MTMR9: variants seen among roughly 807,000 people sequenced by gnomAD.
MTMR9 encodes the protein myotubularin related protein 9.
Under a neutral mutation model 69.5 loss-of-function variants are expected in MTMR9, and 39 were observed. The ratio of observed to expected loss-of-function variants is 0.56; its 90% confidence interval spans 0.43 to 0.73. MTMR9 has a LOEUF of 0.73. MTMR9 is among the 30% of genes least tolerant of loss of function. MTMR9 has a pLI of 0.00. For missense variants in MTMR9, 900 were observed against 671.2 expected, an observed-to-expected ratio of 1.34 and a Z score of -3.77; for synonymous variants, 354 against 240.8, an observed-to-expected ratio of 1.47 and a Z score of -4.35.
intron 3 of MTMR9, among the ~76,000 whole-genome samples, chr8:11,303,693 C>T (rs566302485): frequency 1.3e-5 from 2 of 152,156 alleles, no homozygotes; most frequent in East Asian, 3.9e-4. Context: ...GCCACTGTGC[C>T]TGGCTAATTT....
intron 1 of MTMR9, chr8:11,294,715 T>A (rs1799489628): frequency 6.6e-6 from 1 of 152,602 alleles, no homozygotes; most frequent in Non-Finnish European, 1.5e-5. Flanking sequence ...GGTCTTGATC[T>A]CCTGACCTCG....
intron 2 of MTMR9, among the ~76,000 whole-genome samples, chr8:11,295,772 A>G (rs1799533799): frequency 6.6e-6 from 1 of 152,224 alleles, no homozygotes; most frequent in African/African-American, 2.4e-5. Flanking sequence ...GGTTTGTTCA[A>G]GTAAAATCTT....
At position 11,314,986 on chromosome 8, in the gene MTMR9, C is replaced by G; in HGVS notation, c.1035C>G (p.Ser345=). The part of the protein sequence containing the change: ...EGTDSTLQVT[S]LAQIILEPRS... ...CTGATTCCACACTCCAGGTGACCTC[C>G]TTGGCCCAGATCATCTTAGAGCCAA... The change falls in exon 7 of 10, where the codon TCC becomes TCG. Residue 345 remains serine (S), a synonymous_variant. Transcript: ENST00000221086. The G allele has an allele frequency of 1.2e-6, 2 of 1,614,074 alleles. No individual in the cohort carries two copies. Among genetic ancestry groups the G allele is most frequent in the Non-Finnish European group, 1.7e-6 (2 of 1,179,946 alleles).
At position 11,289,964 on chromosome 8, in the gene MTMR9, A is replaced by G. The variant is rs185571376; in HGVS notation, c.182+4894A>G. ...ATGTCCCTTTATATAGTCTTGTGCC[A>G]TAATTGCTCTGAGACTGCCCCTAGG... On this transcript the variant is annotated intron_variant, in intron 1 of 9. Coordinates refer to ENST00000221086, the MANE Select transcript of MTMR9 (RefSeq NM_015458.4). Among the ~76,000 whole-genome samples the G allele has an allele frequency of 3.9e-5, 6 of 152,328 alleles. No homozygotes were observed. The East Asian group carries it at 1.2e-3, about 29-fold the overall frequency.
intron 5 of MTMR9, among the ~76,000 whole-genome samples, chr8:11,307,970 C>G (rs533767758): frequency 9.9e-5 from 15 of 152,278 alleles, no homozygotes; most frequent in African/African-American, 3.1e-4. Flanking sequence ...GTGGTGTTCA[C>G]AAATGTTTTC....
chr8:11,332,761 G>T, downstream of MTMR9, among the ~76,000 whole-genome samples: 1 of 151,956 alleles, frequency 6.6e-6, no homozygotes, highest in East Asian at 1.9e-4. Context: ...GCCACCACAC[G>T]CAGCTAATTT....
chr8:11,330,798 C>T (rs909260858), downstream of MTMR9: 3 of 463,702 alleles, frequency 6.5e-6, no homozygotes, highest in African/African-American at 4.0e-5. Context: ...GCAGGGTCCT[C>T]TGCCTAGGAA....
intron 2 of MTMR9, among the ~76,000 whole-genome samples, chr8:11,297,306 T>C (rs976887913): frequency 6.6e-6 from 1 of 152,270 alleles, no homozygotes; most frequent in Admixed American, 6.5e-5. Context: ...CCTGCCTTTG[T>C]TGAATTTTAC....
rs554684280 is a variant in MTMR9 at position 11,322,929 on chromosome 8, C to T, written c.*141C>T. ...GACCCCCCTAATGTAATGGATTTCT[C>T]AATACTGTATGAATAATGAAACTTA... is the stretch of plus-strand genomic sequence containing the variant. On this transcript the variant is annotated 3_prime_UTR_variant, in exon 10 of 10. Transcript: ENST00000221086. 9.7e-6 allele frequency: 6 copies of T among 620,384 alleles called. No homozygotes were observed. In the East Asian group the frequency reaches 1.5e-4, roughly 16 times the overall value. 38.4% of individuals were successfully genotyped at this position (620,384 alleles called of 1,614,324 possible).
downstream of MTMR9, chr8:11,331,837 C>T: frequency 1.2e-6 from 2 of 1,611,964 alleles, no homozygotes; most frequent in African/African-American, 1.3e-5. Flanking sequence ...CTGCAGACCC[C>T]CGTGTTGCCC....
intron 7 of MTMR9, 131 bp from the exon 8 acceptor site, chr8:11,316,542 A>T (rs1800422222): frequency 5.3e-6 from 3 of 568,002 alleles, no homozygotes; most frequent in South Asian, 2.9e-5. Flanking sequence ...AATCTGTACA[A>T]CAGCTACCCT....
Position 11,295,285 on chromosome 8 carries a change from A to T in MTMR9, c.274A>T (p.Ile92Leu). The T allele has an allele frequency of 6.3e-7, 1 of 1,597,156 alleles. No individual in the cohort carries two copies. Among genetic ancestry groups the T allele is most frequent in the Non-Finnish European group, 8.6e-7 (1 of 1,165,914 alleles). ...DIPGMEECLN[I>L]ASSIEALSTL... ...TCCTGGAATGGAGGAATGCTTGAAT[A>T]TAGCCAGTTCCATTGAGGTAAGTAT... The change falls in exon 2 of 10, where the codon ATA (isoleucine) becomes TTA (leucine). Residue 92 changes from isoleucine to leucine, a missense_variant. By Grantham distance (5) the Ile-to-Leu change is conservative. Coordinates refer to ENST00000221086, the MANE Select transcript of MTMR9 (RefSeq NM_015458.4).
chr8:11,321,669 C>T (rs1045643592), intron 9 of MTMR9: 1 of 313,938 alleles, frequency 3.2e-6, no homozygotes, highest in African/African-American at 2.2e-5. Flanking sequence ...TAAGACTGCT[C>T]TTCGGCCTTA....
intron 5 of MTMR9, among the ~76,000 whole-genome samples, chr8:11,308,504 A>T (rs775130361): frequency 1.5e-4 from 23 of 152,028 alleles, no homozygotes; most frequent in Admixed American, 3.9e-4. Flanking sequence ...CTTTGATGGG[A>T]GGTCTTTTTA....
Position 11,325,423 on chromosome 8 carries a change from G to C in MTMR9, c.*2635G>C, listed in dbSNP as rs1800886784. The C allele has an allele frequency of 3.9e-5, 6 of 152,170 alleles. No homozygotes were observed. Among genetic ancestry groups the C allele is most frequent in the Admixed American group, 3.9e-4 (6 of 15,270 alleles). The allele number at this position is 152,170 out of a possible 1,614,324, so 9.4% of individuals were successfully genotyped here. On this transcript the variant is annotated 3_prime_UTR_variant, in exon 10 of 10. Coordinates refer to ENST00000221086, the MANE Select transcript of MTMR9 (RefSeq NM_015458.4). ...ATGTGCTGTTAAACACTTGAATGAA[G>C]AGAATGGTGGCAGAATGAGTGAGCA... is the stretch of plus-strand genomic sequence containing the variant.
At position 11,295,241 on chromosome 8, in the gene MTMR9, G is replaced by T. The variant is rs370972294; in HGVS notation, c.230G>T (p.Arg77Leu). The T allele has an allele frequency of 1.2e-5, 20 of 1,611,408 alleles. No individual in the cohort carries two copies. The highest frequency in any genetic ancestry group is 1.6e-5 in the Non-Finnish European group (19 of 1,178,388). ...GTIIIKCKDFRIIQLDIPGME... is the reference protein window; with the variant it reads ...GTIIIKCKDFLIIQLDIPGME... ...ATCATCATAAAATGTAAAGATTTTC[G>T]AATTATTCAGTTGGATATTCCTGGA... The change falls in exon 2 of 10, where the codon CGA (arginine) becomes CTA (leucine). Residue 77 changes from arginine (R) to leucine (L), a missense_variant. By Grantham distance (102) the Arg-to-Leu change is moderately radical (BLOSUM62 -2). Coordinates refer to ENST00000221086, the MANE Select transcript of MTMR9 (RefSeq NM_015458.4).
intron 6 of MTMR9, among the ~76,000 whole-genome samples, chr8:11,312,176 C>A (rs578146144): frequency 6.6e-5 from 10 of 152,172 alleles, no homozygotes; most frequent in Admixed American, 4.6e-4. Context: ...TCCCAAATAG[C>A]CAGTACTACA....
rs1800891688 is a variant in MTMR9 at position 11,325,517 on chromosome 8, C to CT, written c.*2731dup. 1 of 152,148 alleles carries CT rather than the reference C, an allele frequency of 6.6e-6. No homozygotes were observed. Among genetic ancestry groups the CT allele is most frequent in the East Asian group, 1.9e-4 (1 of 5,196 alleles). The allele number at this position is 152,148 out of a possible 1,614,324, so 9.4% of individuals were successfully genotyped here. On this transcript the variant is annotated 3_prime_UTR_variant, in exon 10 of 10. Coordinates refer to ENST00000221086, the MANE Select transcript of MTMR9 (RefSeq NM_015458.4). ...AATCAGATTCCTGCGTATTCAGCAT[C>CT]TTCTCTATTCATGTGGAGTGAAAGC...
chr8:11,300,708 T>A (rs1485445107), intron 3 of MTMR9: 2 of 152,204 alleles, frequency 1.3e-5, no homozygotes, highest in East Asian at 3.8e-4. Flanking sequence ...CAAAAACGAA[T>A]TGAATTGGCA....
Sources: gnomAD v4.1 joint callset for allele counts (sites outside exome capture counted in the v4.1 genomes callset) on GRCh38, gnomAD v4.1.1 for gene constraint, MANE v1.5 for transcripts, NCBI Gene and HGNC (gene_info 2026-07-23, HGNC 2026-07-21) for gene names.